Variants in SLC25A37 observed in about 807,000 individuals in gnomAD.
The protein encoded by SLC25A37 is solute carrier family 25 member 37.
SLC25A37 carries 17 observed loss-of-function variants against 31.0 expected under a neutral mutation model. The ratio of observed to expected loss-of-function variants is 0.55; its 90% CI spans 0.38 to 0.82. The LOEUF (loss-of-function observed/expected upper bound fraction) is 0.82. Ranked by LOEUF, SLC25A37 falls within the 40% of genes least tolerant of loss-of-function variation. The pLI, the probability that SLC25A37 is intolerant of heterozygous loss-of-function variation, is 0.00. For synonymous variants in SLC25A37, 222 were observed against 193.0 expected, an observed-to-expected ratio of 1.15 and a Z score of -1.24; for missense variants, 404 against 465.8, an observed-to-expected ratio of 0.87 and a Z score of 1.22.
At chr8:23,558,353 A>G (rs1035097523) in intron 1 of SLC25A37, among the ~76,000 whole-genome samples, 1 of 152,094 alleles carries the variant, frequency 6.6e-6, no homozygotes, top group African/African-American at 2.4e-5. Flanking sequence ...CTAGGCCTGG[A>G]TCAGAGGCTC....
At chr8:23,535,369 C>T (rs1801745144) in intron 1 of SLC25A37, among the ~76,000 whole-genome samples, 1 of 152,202 alleles carries the variant, frequency 6.6e-6, no homozygotes, top group Admixed American at 6.5e-5. Context: ...CATCTTGCTT[C>T]CATGTCATAG....
chr8:23,548,392 A>T (rs754362378), intron 1 of SLC25A37, among the ~76,000 whole-genome samples: 3 of 146,808 alleles, frequency 2.0e-5, no homozygotes, highest in Non-Finnish European at 4.5e-5. Context: ...GTTGGTCAGG[A>T]TGGTCTCAAT....
intron 1 of SLC25A37, among the ~76,000 whole-genome samples, chr8:23,534,414 A>C (rs1464168612): frequency 6.6e-6 from 1 of 152,110 alleles, no homozygotes; most frequent in Non-Finnish European, 1.5e-5. Flanking sequence ...TCATGTCCTT[A>C]CTTGTCAAAT....
rs1802887040 is a variant in SLC25A37 at position 23,572,441 on chromosome 8, A to C, written c.*586A>C. On this transcript the variant is annotated 3_prime_UTR_variant, in exon 4 of 4. Transcript: ENST00000519973. ...AGGGTTGAATTCTTCCATCAGGTGA[A>C]CGAAAAAGGCAACAAAGTAATAAAT... is the stretch of plus-strand genomic sequence containing the variant. 1.3e-5 allele frequency: 2 copies of C among 152,530 alleles called. No individual in the cohort carries two copies. Among genetic ancestry groups the C allele is most frequent in the Non-Finnish European group, 2.9e-5 (2 of 68,052 alleles). The allele number at this position is 152,530 out of a possible 1,614,324, so 9.4% of individuals were successfully genotyped here.
At chr8:23,551,706 A>G (rs73555543) in intron 1 of SLC25A37, among the ~76,000 whole-genome samples, 1,637 of 152,274 alleles carry the variant, frequency 0.011, 29 homozygotes, top group African/African-American at 0.035. Flanking sequence ...CCACTTACAG[A>G]TAAGAAAACG....
At chr8:23,562,649 A>G (rs1448260705) in intron 1 of SLC25A37, among the ~76,000 whole-genome samples, 1 of 152,208 alleles carries the variant, frequency 6.6e-6, no homozygotes, top group Non-Finnish European at 1.5e-5. Context: ...AATCACCGTC[A>G]TGTAGCCCCT....
intron 1 of SLC25A37, among the ~76,000 whole-genome samples, chr8:23,546,547 A>ATAGG (rs1802054938): frequency 4.8e-5 from 1 of 20,838 alleles, no homozygotes; most frequent in South Asian, 1.5e-3. Context: ...ATATATATAT[A>ATAGG]TATATAGTGT....
At chr8:23,551,936 C>A (rs1288300191) in intron 1 of SLC25A37, among the ~76,000 whole-genome samples, 1 of 152,168 alleles carries the variant, frequency 6.6e-6, no homozygotes, top group Non-Finnish European at 1.5e-5. Flanking sequence ...GGACTGTGAC[C>A]TGGAGTTCCC....
At chr8:23,566,770 ACAACAGGT>A (rs1802672556) in intron 2 of SLC25A37, 7 of 992,130 alleles carry the variant, frequency 7.1e-6, no homozygotes, top group Non-Finnish European at 8.4e-6. Context: ...AAAAACTGGT[ACAACAGGT>A]CTCTACAACG....
At chr8:23,548,104 A>G (rs750644621) in intron 1 of SLC25A37, among the ~76,000 whole-genome samples, 1 of 152,182 alleles carries the variant, frequency 6.6e-6, no homozygotes, top group Non-Finnish European at 1.5e-5. Context: ...TCTCCCTGCC[A>G]TGGTGTTTTG....
chr8:23,559,883 G>A (rs1001919603), intron 1 of SLC25A37, among the ~76,000 whole-genome samples: 9 of 152,018 alleles, frequency 5.9e-5, no homozygotes, highest in African/African-American at 1.7e-4. Context: ...ATATTACATC[G>A]TGTTTATCCC....
chr8:23,546,531 G>GTATATATATATATA (rs1251864600), intron 1 of SLC25A37, among the ~76,000 whole-genome samples: 1 of 36,432 alleles, frequency 2.7e-5, no homozygotes, highest in Non-Finnish European at 5.2e-5. Flanking sequence ...ATATATAGGT[G>GTATATATATATATA]TATATATATA....
chr8:23,547,573 C>T (rs903358735), intron 1 of SLC25A37, among the ~76,000 whole-genome samples: 1 of 152,218 alleles, frequency 6.6e-6, no homozygotes, highest in Admixed American at 6.5e-5. Context: ...GTAACTTTAA[C>T]TCCCTGTTTC....
intron 1 of SLC25A37, among the ~76,000 whole-genome samples, chr8:23,554,485 C>G (rs1018743030): frequency 4.6e-5 from 7 of 152,238 alleles, no homozygotes; most frequent in African/African-American, 1.7e-4. Flanking sequence ...GTCCTGTTAT[C>G]TGGCATCTTT....
rs144830267 is a variant in SLC25A37 at position 23,562,710 on chromosome 8, A to G, written c.211-3398A>G. On this transcript the variant is annotated intron_variant, in intron 1 of 3. Transcript: ENST00000519973. ...TGACAATATTGATGGTTTTAGACAC[A>G]TATTATCCCATTTAATTTTCCCAAC... is the stretch of plus-strand genomic sequence containing the variant. 5.5e-3 allele frequency among the ~76,000 whole-genome samples: 836 copies of G among 152,286 alleles called. 4 individuals are homozygous for G. Among genetic ancestry groups the G allele is most frequent in the African/African-American group, 0.019 (799 of 41,536 alleles).
At chr8:23,565,355 G>A (rs1261041163) in intron 1 of SLC25A37, among the ~76,000 whole-genome samples, 1 of 152,140 alleles carries the variant, frequency 6.6e-6, no homozygotes, top group Non-Finnish European at 1.5e-5. Flanking sequence ...TCCTAGGGAT[G>A]ACAGAGGAGG....
At chr8:23,566,012 T>C in intron 1 of SLC25A37, 96 bp from the exon 2 acceptor site, 1 of 1,434,130 alleles carries the variant, frequency 7.0e-7, no homozygotes, top group Non-Finnish European at 9.1e-7. Context: ...ACTATGACAT[T>C]GTTTTTCTCT....
At chr8:23,566,437 C>G in intron 2 of SLC25A37, 101 bp downstream of exon 2, 3 of 1,494,212 alleles carry the variant, frequency 2.0e-6, no homozygotes, top group Non-Finnish European at 2.7e-6. Flanking sequence ...GACTTCGGCC[C>G]GCTTGCTCAC....
In SLC25A37 at chr8:23,574,088, C is replaced by A. The variant is rs896796667; in HGVS notation, c.*2233C>A. 1.8e-5 allele frequency: 6 copies of A among 335,720 alleles called. No homozygotes were observed. The highest frequency in any genetic ancestry group is 1.2e-4 in the Admixed American group (3 of 25,900). The allele number at this position is 335,720 out of a possible 1,614,324, so 20.8% of individuals were successfully genotyped here. A position where few individuals can be genotyped will look rare whatever the true frequency, so the allele number is the denominator to read the frequency against. On this transcript the variant is annotated 3_prime_UTR_variant, in exon 4 of 4. Coordinates refer to ENST00000519973, the MANE Select transcript of SLC25A37 (RefSeq NM_016612.4). ...ATGCCACGCTGAAGCAAGGTATTTCCTACTGGATTTTGCTTTCACTGGTGT... is the reference window on the plus strand; with the variant it reads ...ATGCCACGCTGAAGCAAGGTATTTCATACTGGATTTTGCTTTCACTGGTGT...
Sources: allele counts gnomAD v4.1 joint callset (sites outside exome capture counted in the v4.1 genomes callset), GRCh38; gene constraint gnomAD v4.1.1; transcripts MANE v1.5; gene names NCBI Gene and HGNC (gene_info 2026-07-23, HGNC 2026-07-21).